Variants in SEC13 observed in about 807,000 individuals in gnomAD.
The protein encoded by SEC13 is SEC13 homolog, nuclear pore and COPII component, also known as protein SEC13 homolog.
Under a neutral mutation model 49.2 loss-of-function variants are expected in SEC13, and 25 were observed. The ratio of observed to expected loss-of-function variants is 0.51; its 90% confidence interval spans 0.37 to 0.71. The LOEUF is 0.71. Ranked by LOEUF, SEC13 falls within the 30% of genes least tolerant of loss-of-function variation. The pLI, the probability that SEC13 is intolerant of heterozygous loss-of-function variation, is 0.00. For missense variants in SEC13, 383 were observed against 417.6 expected (o/e 0.92, Z 0.72); for synonymous variants, 148 against 163.9 (o/e 0.90, Z 0.74).
Position 10,301,193 on chromosome 3 carries a change from T to TG in SEC13, c.*67dup, listed in dbSNP as rs767756802. On this transcript the variant is annotated 3_prime_UTR_variant, in exon 9 of 9. Transcript: ENST00000350697. Reference sequence around the variant, plus strand: ...GAGTTGGGGGCTCTTCCCAGTTGTCTGGTTAGTTGGCCCAGGAAGGGGCAG... The same window carrying TG: ...GAGTTGGGGGCTCTTCCCAGTTGTCTGGGTTAGTTGGCCCAGGAAGGGGCAG... The TG allele has an allele frequency of 6.2e-7, 1 of 1,613,996 alleles. No homozygotes were observed.
intron 3 of SEC13, 120 bp from the exon 4 acceptor site, chr3:10,312,850 G>C: frequency 1.0e-6 from 1 of 996,966 alleles, no homozygotes; most frequent in South Asian, 1.6e-5. Flanking sequence ...AACTTCAAAG[G>C]GAGAACTATA....
In SEC13 at chr3:10,321,004, G is replaced by T; in HGVS notation, c.3+46C>A. The T allele has an allele frequency of 6.2e-7, 1 of 1,607,118 alleles. No individual in the cohort carries two copies. Among genetic ancestry groups the T allele is most frequent in the Middle Eastern group, 1.7e-4 (1 of 6,034 alleles). ...CGGCCGAGGAACCCGTGAAGGCCGC[G>T]ACCGTGGCCTTCACCCTGCTAGGCC... On this transcript the variant is annotated intron_variant, in intron 1 of 8. Transcript: ENST00000350697. This position sits in a 1 kb window ranked among gnomAD's most constrained non-coding sequence, Gnocchi z 4.1.
intron 1 of SEC13, among the ~76,000 whole-genome samples, chr3:10,319,960 G>A (rs1037355563): frequency 2.1e-4 from 20 of 96,706 alleles, no homozygotes; most frequent in Admixed American, 1.5e-3. Flanking sequence ...AAGGGAGAGG[G>A]AGAGGAAGGG....
chr3:10,320,004 GGGGAGA>G (rs1487121370), intron 1 of SEC13, among the ~76,000 whole-genome samples: 19 of 92,218 alleles, frequency 2.1e-4, no homozygotes, highest in Admixed American at 8.3e-4. Context: ...GAGGGAGGGT[GGGGAGA>G]GAGAGAGAGA....
chr3:10,306,277 C>G (rs1233656617), intron 5 of SEC13, among the ~76,000 whole-genome samples: 6 of 152,140 alleles, frequency 3.9e-5, no homozygotes, highest in Admixed American at 3.3e-4. Context: ...AGAGCCTAGT[C>G]TCTCGGTCTG....
intron 3 of SEC13, chr3:10,313,439 T>C (rs1169011303): frequency 3.8e-6 from 2 of 530,858 alleles, no homozygotes; most frequent in Non-Finnish European, 7.8e-6. Flanking sequence ...TCTCTTTACC[T>C]GAAAATGGAG....
At chr3:10,313,226 G>C (rs1421774679) in intron 3 of SEC13, 3 of 230,792 alleles carry the variant, frequency 1.3e-5, no homozygotes, top group Middle Eastern at 1.6e-3. Flanking sequence ...CTTCTCTTCT[G>C]ATCTTTATCC....
intron 8 of SEC13, among the ~76,000 whole-genome samples, chr3:10,303,325 G>T (rs905628604): frequency 1.3e-5 from 2 of 152,248 alleles, no homozygotes; most frequent in Admixed American, 6.5e-5. Context: ...CTGACCCTGC[G>T]GCGTTAGAGA....
At chr3:10,317,033 T>TA (rs1701653386) in intron 2 of SEC13, among the ~76,000 whole-genome samples, 1 of 151,240 alleles carries the variant, frequency 6.6e-6, no homozygotes, top group South Asian at 2.1e-4. Flanking sequence ...GAAAAGTACT[T>TA]AGCATGGGGC....
chr3:10,309,902 C>T (rs1020645738), intron 5 of SEC13, among the ~76,000 whole-genome samples: 4 of 152,170 alleles, frequency 2.6e-5, no homozygotes, highest in Admixed American at 2.6e-4. Flanking sequence ...TTCAGGAGTT[C>T]CTGTCTTTGT....
rs1270521118 is a variant in SEC13, at chr3:10,318,114, T to C, written c.4-20A>G. 1 of 1,570,294 alleles carries C rather than the reference T, an allele frequency of 6.4e-7. No individual in the cohort carries two copies. Among genetic ancestry groups the C allele is most frequent in the Admixed American group, 1.7e-5 (1 of 59,898 alleles). ...TGACACCTAGAACCAAAGATATCACTGGTAAATTAACTCATGGCAGTTAGA... is the reference window on the plus strand; with the variant it reads ...TGACACCTAGAACCAAAGATATCACCGGTAAATTAACTCATGGCAGTTAGA... On this transcript the variant is annotated intron_variant, in intron 1 of 8. Coordinates refer to ENST00000350697, the MANE Select transcript of SEC13 (RefSeq NM_183352.3).
intron 3 of SEC13, among the ~76,000 whole-genome samples, chr3:10,314,680 A>G (rs1414303958): frequency 6.6e-6 from 1 of 152,256 alleles, no homozygotes; most frequent in African/African-American, 2.4e-5. Flanking sequence ...GCTGAGGGAA[A>G]GCAGTAGAGA....
At chr3:10,303,087 A>T (rs1024045315) in intron 8 of SEC13, among the ~76,000 whole-genome samples, 1 of 152,214 alleles carries the variant, frequency 6.6e-6, no homozygotes, top group Non-Finnish European at 1.5e-5. Context: ...TTTGCAGCTG[A>T]AAAGAGTTCT....
At chr3:10,320,814 G>A (rs2125295920) in intron 1 of SEC13, 3 of 1,329,334 alleles carry the variant, frequency 2.3e-6, no homozygotes, top group Middle Eastern at 5.6e-4. Context: ...AAGGGAGACT[G>A]GCAGGAGACG....
rs746512987 is a variant in SEC13, at chr3:10,301,065, C to T, written c.*196G>A. 35 of 1,609,736 alleles carry T rather than the reference C, an allele frequency of 2.2e-5. No individual in the cohort carries two copies. The highest frequency in any genetic ancestry group is 2.7e-5 in the African/African-American group (2 of 74,862). On this transcript the variant is annotated 3_prime_UTR_variant, in exon 9 of 9. Coordinates refer to ENST00000350697, the MANE Select transcript of SEC13 (RefSeq NM_183352.3). Reference sequence around the variant, plus strand: ...TAGTTTCTTCCTCGTAACATGAGTGCTTTCAGCTGGACAGTAGATTACAAA... The same window carrying T: ...TAGTTTCTTCCTCGTAACATGAGTGTTTTCAGCTGGACAGTAGATTACAAA...
At position 10,312,670 on chromosome 3, in the gene SEC13, T is replaced by G. The variant is rs560930540; in HGVS notation, c.225A>C (p.Ala75=). ...TGACTTTCCGGTCATAGGAGCACGA[T>G]GCCAGGATGTTGCCGTACATGGGGT... ...WAHPMYGNIL[A]SCSYDRKVII... The change falls in exon 4 of 9, where the codon GCA becomes GCC. Residue 75 remains alanine (A), a synonymous_variant. Coordinates refer to ENST00000350697, the MANE Select transcript of SEC13 (RefSeq NM_183352.3). 8.7e-6 allele frequency: 14 copies of G among 1,614,182 alleles called. No individual in the cohort carries two copies. The South Asian group carries it at 1.3e-4, about 15-fold the overall frequency.
intron 3 of SEC13, 54 bp downstream of exon 3, chr3:10,315,267 G>T: frequency 7.7e-7 from 1 of 1,299,452 alleles, no homozygotes; most frequent in Non-Finnish European, 1.1e-6. Flanking sequence ...TTGAAGCAGG[G>T]CCTGAGAACC....
intron 8 of SEC13, among the ~76,000 whole-genome samples, chr3:10,303,088 A>G (rs1700642172): frequency 6.6e-6 from 1 of 152,210 alleles, no homozygotes; most frequent in Non-Finnish European, 1.5e-5. Flanking sequence ...TTGCAGCTGA[A>G]AAGAGTTCTG....
intron 5 of SEC13, among the ~76,000 whole-genome samples, chr3:10,308,342 C>T (rs1252110255): frequency 6.6e-6 from 1 of 152,134 alleles, no homozygotes; most frequent in African/African-American, 2.4e-5. Context: ...CTTTTTTTCA[C>T]TCAGCATAAT....
Sources: allele counts gnomAD v4.1 joint callset (sites outside exome capture counted in the v4.1 genomes callset), GRCh38; gene constraint gnomAD v4.1.1; non-coding constraint Gnocchi (gnomAD v3.1); transcripts MANE v1.5; gene names NCBI Gene and HGNC (gene_info 2026-07-23, HGNC 2026-07-21).